Variants in CLIC4 observed in about 807,000 individuals in gnomAD.
CLIC4 encodes CLIC family member 4.
CLIC4 carries 13 observed loss-of-function variants against 24.6 expected under a neutral mutation model. The ratio of observed to expected loss-of-function variants is 0.53; its 90% confidence interval spans 0.34 to 0.84. The LOEUF is 0.84. Among genes scored for constraint, CLIC4 ranks in the 40% least tolerant of loss-of-function variants. The pLI is 0.01. For missense variants in CLIC4, 227 were observed against 301.7 expected (o/e 0.75, Z 1.83); for synonymous variants, 104 against 111.3 (o/e 0.93, Z 0.41).
intron 1 of CLIC4, among the ~76,000 whole-genome samples, chr1:24,773,155 C>T (rs1639092860): frequency 6.6e-6 from 1 of 152,014 alleles, no homozygotes; most frequent in Non-Finnish European, 1.5e-5. Context: ...TCACACTTCA[C>T]CTGGAATGTA....
intron 1 of CLIC4, chr1:24,771,708 A>G: frequency 3.0e-6 from 1 of 335,406 alleles, no homozygotes; most frequent in Non-Finnish European, 6.0e-6. Flanking sequence ...TACCAGAGTT[A>G]AAAGTAGTAT....
chr1:24,745,764 C>G (rs1335454717), intron 1 of CLIC4, 139 bp downstream of exon 1: 25 of 599,718 alleles, frequency 4.2e-5, no homozygotes, highest in Non-Finnish European at 6.2e-5. Flanking sequence ...GCGCCCCCGG[C>G]CCATTGTCTG....
chr1:24,745,592 G>T lies in CLIC4; in HGVS notation c.39G>T (p.Glu13Asp). ...TGCCGCTGAATGGGCTGAAGGAGGAGGACAAAGAGCCCCTCATCGAGCTCT... is the reference window on the plus strand; with the variant it reads ...TGCCGCTGAATGGGCTGAAGGAGGATGACAAAGAGCCCCTCATCGAGCTCT... ...LSMPLNGLKE[E>D]DKEPLIELFV... The change falls in exon 1 of 6, where the codon GAG (glutamate) becomes GAT (aspartate). Residue 13 changes from glutamate to aspartate, a missense_variant. Coordinates refer to ENST00000374379, the MANE Select transcript of CLIC4 (RefSeq NM_013943.3). 6.3e-7 allele frequency: 1 copy of T among 1,587,506 alleles called. No homozygotes were observed. Among genetic ancestry groups the T allele is most frequent in the Non-Finnish European group, 8.5e-7 (1 of 1,169,848 alleles).
intron 1 of CLIC4, among the ~76,000 whole-genome samples, chr1:24,753,867 G>T (rs1001755387): frequency 6.6e-6 from 1 of 152,188 alleles, no homozygotes; most frequent in South Asian, 2.1e-4. Context: ...TCAAGGACAG[G>T]CTTCAAACTT....
At chr1:24,807,970 G>A (rs1225640422) in intron 2 of CLIC4, among the ~76,000 whole-genome samples, 1 of 144,426 alleles carries the variant, frequency 6.9e-6, no homozygotes, top group Non-Finnish European at 1.5e-5. Flanking sequence ...TTTTTTTTGA[G>A]ATGGAATTTT....
chr1:24,763,533 C>CAA (rs33955013), intron 1 of CLIC4, among the ~76,000 whole-genome samples: 22,372 of 78,514 alleles, frequency 0.28, 3,242 homozygotes, highest in Non-Finnish European at 0.36. Flanking sequence ...ACTCCGTCTC[C>CAA]AAAAAAAAAA....
At chr1:24,752,272 GT>G (rs1638785518) in intron 1 of CLIC4, among the ~76,000 whole-genome samples, 1 of 152,146 alleles carries the variant, frequency 6.6e-6, no homozygotes, top group Non-Finnish European at 1.5e-5. Flanking sequence ...AGTTAGGGTA[GT>G]TTAAGTTGCT....
intron 3 of CLIC4, among the ~76,000 whole-genome samples, chr1:24,816,305 T>C (rs1639668318): frequency 7.2e-6 from 1 of 138,490 alleles, no homozygotes; most frequent in Non-Finnish European, 1.5e-5. Flanking sequence ...AGTGATGCGA[T>C]CTCGGCTCAC....
At chr1:24,762,750 T>C (rs1210697001) in intron 1 of CLIC4, among the ~76,000 whole-genome samples, 2 of 152,136 alleles carry the variant, frequency 1.3e-5, no homozygotes, top group African/African-American at 2.4e-5. Flanking sequence ...GAAGTCATAA[T>C]ACAGCGGGTA....
chr1:24,775,828 T>C (rs1639134221), intron 1 of CLIC4, among the ~76,000 whole-genome samples: 1 of 140,530 alleles, frequency 7.1e-6, no homozygotes, highest in Non-Finnish European at 1.5e-5. Flanking sequence ...CCTTGATTAC[T>C]TTTTTTTTTT....
chr1:24,775,357 G>T, intron 1 of CLIC4, among the ~76,000 whole-genome samples: 1 of 147,640 alleles, frequency 6.8e-6, no homozygotes, highest in African/African-American at 2.5e-5. Flanking sequence ...GGAAAATTTT[G>T]GCCGTTATTT....
intron 1 of CLIC4, among the ~76,000 whole-genome samples, chr1:24,783,151 A>T (rs1456743009): frequency 6.6e-6 from 1 of 152,122 alleles, no homozygotes; most frequent in Non-Finnish European, 1.5e-5. Context: ...ATTCCCTAAG[A>T]GTAGGGATAT....
At chr1:24,767,318 C>T (rs1006150235) in intron 1 of CLIC4, among the ~76,000 whole-genome samples, 2 of 152,102 alleles carry the variant, frequency 1.3e-5, no homozygotes, top group Admixed American at 6.5e-5. Flanking sequence ...AAGAAAAGCC[C>T]TTAGAGTCTA....
At chr1:24,817,852 A>G (rs891695488) in intron 3 of CLIC4, among the ~76,000 whole-genome samples, 1 of 152,144 alleles carries the variant, frequency 6.6e-6, no homozygotes, top group Admixed American at 6.5e-5. Flanking sequence ...ACTGTGGGCT[A>G]ATTTCAACAT....
intron 1 of CLIC4, among the ~76,000 whole-genome samples, chr1:24,745,948 G>A (rs1638688936): frequency 6.7e-6 from 1 of 150,232 alleles, no homozygotes; most frequent in African/African-American, 2.4e-5. Flanking sequence ...CGGGGCCCCA[G>A]CGCCGGGCGC....
chr1:24,777,805 G>A (rs1639158509), intron 1 of CLIC4: 1 of 152,140 alleles, frequency 6.6e-6, no homozygotes, highest in Non-Finnish European at 1.5e-5. Context: ...TTGATCATGT[G>A]TTGAATGATG....
Position 24,827,105 on chromosome 1 carries a change from A to G in CLIC4, c.404A>G (p.Glu135Gly), listed in dbSNP as rs1311998821. 1 of 1,597,266 alleles carries G rather than the reference A, an allele frequency of 6.3e-7. No homozygotes were observed. The highest frequency in any genetic ancestry group is 1.4e-5 in the African/African-American group (1 of 73,952). ...GCATATATCAAGAATTCAAGGCCAG[A>G]GGCTAATGAAGGTAAAAAACAAAAA... ...FSAYIKNSRP[E>G]ANEALERGLL... Residue 135 changes from glutamate to glycine, a missense_variant, in exon 4 of 6, where the codon GAG becomes GGG. Transcript: ENST00000374379.
Position 24,748,499 on chromosome 1 carries a change from G to GTTTTTT in CLIC4, c.72+2892_72+2897dup, listed in dbSNP as rs869153638. 1.5e-3 allele frequency among the ~76,000 whole-genome samples: 119 copies of GTTTTTT among 80,614 alleles called. 3 individuals carry two copies. The highest frequency in any genetic ancestry group is 4.0e-3 in the African/African-American group (83 of 20,616). 52.9% of individuals were successfully genotyped at this position (80,614 alleles called of 152,430 possible). A position where few individuals can be genotyped will look rare whatever the true frequency, so the allele number is the denominator to read the frequency against. On this transcript the variant is annotated intron_variant, in intron 1 of 5. Coordinates refer to ENST00000374379, the MANE Select transcript of CLIC4 (RefSeq NM_013943.3). ...TGCACTGATACAGATCAGGTTTTTT[G>GTTTTTT]TTTTTTTTTTTTTTTTTTTTTTTAA...
chr1:24,746,211 A>G (rs991142892), intron 1 of CLIC4, among the ~76,000 whole-genome samples: 1 of 152,252 alleles, frequency 6.6e-6, no homozygotes, highest in African/African-American at 2.4e-5. Flanking sequence ...AAAGACCGAG[A>G]TTCCCAACTT....
Sources: allele counts gnomAD v4.1 joint callset (sites outside exome capture counted in the v4.1 genomes callset), GRCh38; gene constraint gnomAD v4.1.1; transcripts MANE v1.5; gene names NCBI Gene and HGNC (gene_info 2026-07-23, HGNC 2026-07-21).